The following RASGRF2 variants were observed in gnomAD, a reference collection of about 807,000 sequenced individuals.
RASGRF2 encodes the protein Ras protein specific guanine nucleotide releasing factor 2, also known as ras-specific guanine nucleotide-releasing factor 2.
Under a neutral mutation model 151.0 loss-of-function variants are expected in RASGRF2, and 76 were observed. The observed-to-expected ratio is 0.50, with a 90% confidence interval of 0.42 to 0.61. RASGRF2 has a LOEUF of 0.61. RASGRF2 is among the 20% of genes least tolerant of loss of function. The pLI, the probability that RASGRF2 is intolerant of heterozygous loss-of-function variation, is 0.00. For synonymous variants in RASGRF2, 504 were observed against 566.5 expected (o/e 0.89, Z 1.57); for missense variants, 1,148 against 1,564.6 (o/e 0.73, Z 4.49).
intron 26 of RASGRF2, among the ~76,000 whole-genome samples, chr5:81,224,157 T>C (rs1486673749): frequency 6.6e-6 from 1 of 152,198 alleles, no homozygotes; most frequent in Non-Finnish European, 1.5e-5. Context: ...AACCTGTGAA[T>C]AGTTAATTCA....
intron 1 of RASGRF2, among the ~76,000 whole-genome samples, chr5:81,032,389 A>C (rs1051038972): frequency 6.1e-4 from 93 of 152,356 alleles, no homozygotes; most frequent in African/African-American, 2.0e-3. Flanking sequence ...TCGATGTAAA[A>C]ATCCTCAATA....
intron 26 of RASGRF2, among the ~76,000 whole-genome samples, chr5:81,224,945 G>A (rs772008916): frequency 3.9e-5 from 6 of 152,192 alleles, no homozygotes; most frequent in Non-Finnish European, 5.9e-5. Flanking sequence ...ATCATGAAAT[G>A]TATGTAAGTT....
rs1405807830 is a variant in RASGRF2 at position 81,229,729 on chromosome 5, G to C, written c.*3959G>C. 1 of 152,162 alleles carries C rather than the reference G, an allele frequency of 6.6e-6. No individual in the cohort carries two copies. The highest frequency in any genetic ancestry group is 1.5e-5 in the Non-Finnish European group (1 of 68,030). 9.4% of individuals were successfully genotyped at this position (152,162 alleles called of 1,614,324 possible). ...AAAGAGAGCTGGCCTAGGCATCCCG[G>C]CCCTGAGTCCTAGGCCCAGTCTCCA... On this transcript the variant is annotated 3_prime_UTR_variant, in exon 27 of 27. Transcript: ENST00000265080.
intron 10 of RASGRF2, among the ~76,000 whole-genome samples, chr5:81,093,980 T>C (rs1407498993): frequency 6.6e-6 from 1 of 152,180 alleles, no homozygotes; most frequent in Admixed American, 6.5e-5. Context: ...TCCTGGTTGG[T>C]GAGTTCAGCC....
chr5:81,194,168 A>C (rs1397309577), intron 18 of RASGRF2, among the ~76,000 whole-genome samples: 3 of 142,770 alleles, frequency 2.1e-5, no homozygotes, highest in Non-Finnish European at 4.5e-5. Flanking sequence ...GCATAGAGAG[A>C]GCCCCATCTC....
chr5:80,987,464 A>T (rs928492025), intron 1 of RASGRF2, among the ~76,000 whole-genome samples: 1 of 152,218 alleles, frequency 6.6e-6, no homozygotes, highest in Admixed American at 6.5e-5. Context: ...TTTGAATTCA[A>T]CACTAATTTT....
At chr5:81,148,250 G>T (rs1235275172) in intron 17 of RASGRF2, among the ~76,000 whole-genome samples, 1 of 152,098 alleles carries the variant, frequency 6.6e-6, no homozygotes, top group Non-Finnish European at 1.5e-5. Context: ...AGTGCTTTAG[G>T]TTACTTTTGT....
chr5:80,992,518 TCTTA>T (rs919436420), intron 1 of RASGRF2, among the ~76,000 whole-genome samples: 2 of 152,224 alleles, frequency 1.3e-5, no homozygotes, highest in African/African-American at 4.8e-5. Context: ...ACAATCAGGT[TCTTA>T]CTTGTGAAAG....
intron 20 of RASGRF2, 132 bp from the exon 21 acceptor site, chr5:81,207,114 A>AT (rs1377785753): frequency 8.1e-6 from 7 of 867,672 alleles, no homozygotes; most frequent in African/African-American, 1.7e-5. Context: ...GCTTTCTGCC[A>AT]TTTTTTTCAT....
intron 18 of RASGRF2, among the ~76,000 whole-genome samples, chr5:81,199,725 C>CTGTATCT (rs757120952): frequency 4.6e-5 from 7 of 151,828 alleles, no homozygotes; most frequent in Non-Finnish European, 1.0e-4. Context: ...TGGTGAAACC[C>CTGTATCT]TGTATCTACT....
chr5:81,064,895 G>A (rs1285476273), intron 2 of RASGRF2, among the ~76,000 whole-genome samples: 2 of 152,164 alleles, frequency 1.3e-5, no homozygotes, highest in Non-Finnish European at 2.9e-5. Flanking sequence ...TATCATTACA[G>A]TCTTAAATCA....
intron 17 of RASGRF2, among the ~76,000 whole-genome samples, chr5:81,158,703 T>A (rs1468731012): frequency 6.6e-6 from 1 of 152,164 alleles, no homozygotes; most frequent in Non-Finnish European, 1.5e-5. Flanking sequence ...GGTGTCAATG[T>A]CGTTAGTCAT....
chr5:81,034,894 A>C (rs1471342945), intron 1 of RASGRF2, among the ~76,000 whole-genome samples: 1 of 151,910 alleles, frequency 6.6e-6, no homozygotes, highest in Non-Finnish European at 1.5e-5. Flanking sequence ...ACATGTATAC[A>C]TATGTAACAA....
chr5:81,154,055 A>G (rs1754200706), intron 17 of RASGRF2, among the ~76,000 whole-genome samples: 1 of 152,178 alleles, frequency 6.6e-6, no homozygotes, highest in African/African-American at 2.4e-5. Context: ...AGCCCTAAAT[A>G]CACGAAGCAA....
chr5:81,162,538 G>A (rs556802811), intron 17 of RASGRF2, among the ~76,000 whole-genome samples: 3 of 147,506 alleles, frequency 2.0e-5, no homozygotes, highest in Non-Finnish European at 3.0e-5. Context: ...TAGTAGAGAC[G>A]GGTTTCACCA....
Position 81,203,890 on chromosome 5 carries a change from C to T in RASGRF2, c.2906+2448C>T, listed in dbSNP as rs140848271. On this transcript the variant is annotated intron_variant, in intron 19 of 26. Coordinates refer to ENST00000265080, the MANE Select transcript of RASGRF2 (RefSeq NM_006909.3). ...AGTTCCTGGAAAAAGTAGTTTCTGC[C>T]GTTAAGGCCATATGGCCCAAGTGAA... Among the ~76,000 whole-genome samples the T allele has an allele frequency of 6.7e-4, 102 of 152,308 alleles. 1 individual carries two copies. In the East Asian group the frequency reaches 0.019, roughly 29 times the overall value.
chr5:81,144,427 C>T (rs1217933550), intron 17 of RASGRF2, among the ~76,000 whole-genome samples: 1 of 152,136 alleles, frequency 6.6e-6, no homozygotes, highest in Non-Finnish European at 1.5e-5. Flanking sequence ...GTGCCCTTGC[C>T]GGCACTTACA....
intron 1 of RASGRF2, among the ~76,000 whole-genome samples, chr5:81,021,522 G>A (rs1749824521): frequency 6.6e-6 from 1 of 151,610 alleles, no homozygotes; most frequent in African/African-American, 2.4e-5. Context: ...TAGTGCCATA[G>A]TAAAAGAGGG....
intron 15 of RASGRF2, among the ~76,000 whole-genome samples, chr5:81,120,512 G>C (rs1753277276): frequency 6.6e-6 from 1 of 152,198 alleles, no homozygotes; most frequent in Non-Finnish European, 1.5e-5. Flanking sequence ...GAGCCTAAGA[G>C]GTCAAGGACG....
Sources: allele counts gnomAD v4.1 joint callset (sites outside exome capture counted in the v4.1 genomes callset), GRCh38; gene constraint gnomAD v4.1.1; transcripts MANE v1.5; gene names NCBI Gene and HGNC (gene_info 2026-07-23, HGNC 2026-07-21).